Variants in CFAP97D2 observed in about 807,000 individuals in gnomAD.
CFAP97D2 encodes uncharacterized protein CFAP97D2.
intron 3 of CFAP97D2, among the ~76,000 whole-genome samples, chr13:114,201,946 A>G (rs563271488): frequency 5.9e-5 from 9 of 152,316 alleles, no homozygotes; most frequent in South Asian, 4.1e-4. Flanking sequence ...TTGTCATATG[A>G]TACACCCATG....
intron 3 of CFAP97D2, among the ~76,000 whole-genome samples, chr13:114,201,200 A>G (rs1305941823): frequency 6.6e-6 from 1 of 152,136 alleles, no homozygotes; most frequent in Non-Finnish European, 1.5e-5. Context: ...TACACATCCT[A>G]GAGTAACCTC....
At chr13:114,218,954 G>A (rs1334434306) in intron 4 of CFAP97D2, among the ~76,000 whole-genome samples, 3 of 152,148 alleles carry the variant, frequency 2.0e-5, no homozygotes, top group Non-Finnish European at 2.9e-5. Context: ...TACCATTCAG[G>A]ACATAGGCAT....
intron 3 of CFAP97D2, among the ~76,000 whole-genome samples, chr13:114,206,521 G>A (rs888786922): frequency 2.6e-5 from 4 of 152,106 alleles, no homozygotes; most frequent in Non-Finnish European, 5.9e-5. Flanking sequence ...GTATTGACAC[G>A]GGCTACAACA....
rs1282565432 is a variant in CFAP97D2 at position 114,183,853 on chromosome 13, A to C, written c.90+4433A>C. ...AACATTCGAGGCATAGCAACCTTCA[A>C]AACTGAAAAGCATGCTGGACACAGT... On this transcript the variant is annotated intron_variant, in intron 1 of 4. Transcript: ENST00000646158. Among the ~76,000 whole-genome samples the C allele has an allele frequency of 2.0e-5, 3 of 152,230 alleles. No individual in the cohort carries two copies. The East Asian group carries it at 5.8e-4, about 29-fold the overall frequency.
chr13:114,200,502 G>T, intron 3 of CFAP97D2, 59 bp downstream of exon 3: 1 of 397,882 alleles, frequency 2.5e-6, no homozygotes, highest in South Asian at 1.3e-4. Flanking sequence ...GTGCTGGGAA[G>T]GGGTTGGGGA....
At chr13:114,206,234 C>G (rs2080939679) in intron 3 of CFAP97D2, among the ~76,000 whole-genome samples, 6 of 151,970 alleles carry the variant, frequency 3.9e-5, no homozygotes, top group Admixed American at 3.9e-4. Context: ...TCCCGAGTAG[C>G]TGGGATTACA....
At chr13:114,210,120 T>A (rs1200888107) in intron 3 of CFAP97D2, among the ~76,000 whole-genome samples, 1 of 152,236 alleles carries the variant, frequency 6.6e-6, no homozygotes, top group African/African-American at 2.4e-5. Context: ...TCCAAATATA[T>A]AATAGAGTTA....
intron 1 of CFAP97D2, among the ~76,000 whole-genome samples, chr13:114,190,625 G>C (rs1346280318): frequency 6.6e-6 from 1 of 152,152 alleles, no homozygotes; most frequent in Non-Finnish European, 1.5e-5. Flanking sequence ...ACAAAACTCT[G>C]ATAAATGTAA....
At chr13:114,202,588 C>A (rs1382369994) in intron 3 of CFAP97D2, among the ~76,000 whole-genome samples, 2 of 152,256 alleles carry the variant, frequency 1.3e-5, no homozygotes, top group African/African-American at 2.4e-5. Context: ...AAGCTGCAGC[C>A]AAGTGCATGG....
chr13:114,183,709 G>T (rs1279698153), intron 1 of CFAP97D2, among the ~76,000 whole-genome samples: 1 of 151,842 alleles, frequency 6.6e-6, no homozygotes, highest in African/African-American at 2.4e-5. Context: ...TTAATATGAG[G>T]GCATTAGTCC....
At chr13:114,212,163 A>G (rs2080969921) in intron 4 of CFAP97D2, 1 of 398,190 alleles carries the variant, frequency 2.5e-6, no homozygotes, top group East Asian at 3.6e-5. Flanking sequence ...GTTTTACTTC[A>G]TCAGATTCAT....
chr13:114,196,286 G>A (rs187663492), intron 1 of CFAP97D2, 110 bp from the exon 2 acceptor site: 103 of 397,518 alleles, frequency 2.6e-4, no homozygotes, highest in Admixed American at 4.9e-4. Context: ...ACTTCAGGCC[G>A]TGTGCTGACA....
rs2080926778 is a variant in CFAP97D2, at chr13:114,203,368, T to G, written c.290+2925T>G. ...AGGAATAAACAAAGGAAGTACAAAA[T>G]TTATACTCCAAAAACTACAAACCGT... On this transcript the variant is annotated intron_variant, in intron 3 of 4. Transcript: ENST00000646158. This position sits in a 1 kb window ranked among gnomAD's most constrained non-coding sequence, Gnocchi z 4.3. Among the ~76,000 whole-genome samples the G allele has an allele frequency of 6.6e-6, 1 of 152,152 alleles. No homozygotes were observed. Among genetic ancestry groups the G allele is most frequent in the African/African-American group, 2.4e-5 (1 of 41,422 alleles).
chr13:114,195,263 C>T (rs770540872), intron 1 of CFAP97D2, among the ~76,000 whole-genome samples: 1 of 152,240 alleles, frequency 6.6e-6, no homozygotes, highest in East Asian at 1.9e-4. Flanking sequence ...CATGTCACTC[C>T]TCTGCCTCTA....
chr13:114,197,735 T>C (rs991761872), intron 2 of CFAP97D2, among the ~76,000 whole-genome samples: 13 of 151,878 alleles, frequency 8.6e-5, no homozygotes, highest in Non-Finnish European at 1.3e-4. Context: ...CAGGCTGGAG[T>C]CCAGTGATAC....
rs538979402 is a variant in CFAP97D2, at chr13:114,216,621, C to T, written c.480+4520C>T. Among the ~76,000 whole-genome samples, 6 of 152,318 alleles carry T rather than the reference C, an allele frequency of 3.9e-5. No individual in the cohort carries two copies. The South Asian group carries it at 1.2e-3, about 32-fold the overall frequency. On this transcript the variant is annotated intron_variant, in intron 4 of 4. Transcript: ENST00000646158. Reference sequence around the variant, plus strand: ...CATGTCCCTACAAAGGACATGAACTCATCCTTTTTTATGGCTGCATAGTAT... The same window carrying T: ...CATGTCCCTACAAAGGACATGAACTTATCCTTTTTTATGGCTGCATAGTAT...
chr13:114,182,404 G>A (rs934949802), intron 1 of CFAP97D2, among the ~76,000 whole-genome samples: 2 of 151,802 alleles, frequency 1.3e-5, no homozygotes, highest in African/African-American at 2.4e-5. Context: ...CAGTTCCCAG[G>A]GGCAGGCAGG....
rs113764070 is a variant in CFAP97D2 at position 114,220,272 on chromosome 13, G to A, written c.481-2226G>A. Among the ~76,000 whole-genome samples, 653 of 151,988 alleles carry A rather than the reference G, an allele frequency of 4.3e-3. 6 individuals are homozygous for A. The highest frequency in any genetic ancestry group is 0.015 in the African/African-American group (629 of 41,448). On this transcript the variant is annotated intron_variant, in intron 4 of 4. Coordinates refer to ENST00000646158, the Ensembl canonical transcript of CFAP97D2. ...TTGCTCTGGGATCTTCGCTGGCCTC[G>A]CATGGATGGGACACATCACTTTACC...
At chr13:114,206,021 G>A (rs764379513) in intron 3 of CFAP97D2, among the ~76,000 whole-genome samples, 1 of 152,130 alleles carries the variant, frequency 6.6e-6, no homozygotes, top group Non-Finnish European at 1.5e-5. Context: ...CTGCATTGCC[G>A]AGCTGGGAAC....
Sources: allele counts gnomAD v4.1 joint callset (sites outside exome capture counted in the v4.1 genomes callset), GRCh38; gene constraint gnomAD v4.1.1; non-coding constraint Gnocchi (gnomAD v3.1); transcripts MANE v1.5; gene names NCBI Gene and HGNC (gene_info 2026-07-23, HGNC 2026-07-21).